The following PTER variants were observed in gnomAD, a reference collection of about 807,000 sequenced individuals.
The protein encoded by PTER is N-acetyltaurine hydrolase.
PTER carries 38 observed loss-of-function variants against 29.6 expected under a neutral mutation model. The observed-to-expected ratio is 1.28, with a 90% CI of 0.99 to 1.68. The LOEUF is 1.68. Among genes scored for constraint, PTER ranks in the 40% most tolerant of loss-of-function variants. The pLI, the probability that PTER is intolerant of heterozygous loss-of-function variation, is 0.00. For missense variants in PTER, 482 were observed against 427.8 expected, an observed-to-expected ratio of 1.13 and a Z score of -1.12; for synonymous variants, 172 against 154.5, an observed-to-expected ratio of 1.11 and a Z score of -0.84.
Position 16,512,781 on chromosome 10 carries a change from T to G in PTER, c.*1525T>G, listed in dbSNP as rs1459305698. 2 of 152,548 alleles carry G rather than the reference T, an allele frequency of 1.3e-5. No homozygotes were observed. Among genetic ancestry groups the G allele is most frequent in the Non-Finnish European group, 2.9e-5 (2 of 67,986 alleles). The allele number at this position is 152,548 out of a possible 1,614,324, so 9.4% of individuals were successfully genotyped here. On this transcript the variant is annotated 3_prime_UTR_variant, in exon 5 of 5. Transcript: ENST00000535784. ...GCAAGCAAATTTTTAAAATCTCTGT[T>G]TTTGAAATCTACTCGTCAAAGAGTT...
rs1564414834 is a variant in PTER, at chr10:16,512,060, C to CCA, written c.*804_*805insCA. 1 of 142,328 alleles carries CCA rather than the reference C, an allele frequency of 7.0e-6. No homozygotes were observed. The highest frequency in any genetic ancestry group is 2.5e-5 in the African/African-American group (1 of 39,496). The allele number at this position is 142,328 out of a possible 1,614,324, so 8.8% of individuals were successfully genotyped here. A position where few individuals can be genotyped will look rare whatever the true frequency, so the allele number is the denominator to read the frequency against. ...TTTAATTAATTGGTAAGATATAATG[C>CCA]AAAAAAAAAAAGAGAAATGTTTGCC... On this transcript the variant is annotated 3_prime_UTR_variant, in exon 5 of 5. Transcript: ENST00000535784.
At chr10:16,491,471 C>T (rs941016952) in intron 3 of PTER, among the ~76,000 whole-genome samples, 5 of 152,064 alleles carry the variant, frequency 3.3e-5, no homozygotes, top group Non-Finnish European at 7.3e-5. Context: ...CGATCTGAGC[C>T]GTACTGAAAG....
At chr10:16,470,707 G>T (rs190518421) in intron 1 of PTER, among the ~76,000 whole-genome samples, 157 of 152,244 alleles carry the variant, frequency 1.0e-3, no homozygotes, top group African/African-American at 3.7e-3. Flanking sequence ...GGTGGAGGTT[G>T]CAGTGAGCCA....
In PTER at chr10:16,513,737, C is replaced by T. The variant is rs1836899487; in HGVS notation, c.*2481C>T. Reference sequence around the variant, plus strand: ...CTAAAGAATAAATTTCTCTGACTTTCCCAGTGAATCTAAATGTATTCAGTT... The same window carrying T: ...CTAAAGAATAAATTTCTCTGACTTTTCCAGTGAATCTAAATGTATTCAGTT... On this transcript the variant is annotated 3_prime_UTR_variant, in exon 5 of 5. Transcript: ENST00000535784. 6.6e-6 allele frequency: 1 copy of T among 152,490 alleles called. No individual in the cohort carries two copies. Among genetic ancestry groups the T allele is most frequent in the Admixed American group, 6.6e-5 (1 of 15,244 alleles). 9.4% of individuals were successfully genotyped at this position (152,490 alleles called of 1,614,324 possible). A position where few individuals can be genotyped will look rare whatever the true frequency, so the allele number is the denominator to read the frequency against.
chr10:16,499,469 G>A (rs960822136), intron 3 of PTER, among the ~76,000 whole-genome samples: 4 of 150,650 alleles, frequency 2.7e-5, no homozygotes, highest in East Asian at 2.0e-4. Context: ...ACAGGGTCTC[G>A]CTTGCTCTGT....
At chr10:16,495,094 A>G (rs948310647) in intron 3 of PTER, among the ~76,000 whole-genome samples, 3 of 152,044 alleles carry the variant, frequency 2.0e-5, no homozygotes, top group Admixed American at 2.0e-4. Context: ...AGAATTCCAC[A>G]TAGCTGTACA....
intron 3 of PTER, among the ~76,000 whole-genome samples, chr10:16,503,065 C>CTTTTTTTTTTTTTTTTTTT (rs541383811): frequency 1.4e-5 from 1 of 69,418 alleles, no homozygotes; most frequent in Non-Finnish European, 2.4e-5. Flanking sequence ...CATGATAGTG[C>CTTTTTTTTTTTTTTTTTTT]TTTTTTTTTT....
chr10:16,477,267 GA>G (rs1835306470), intron 1 of PTER, among the ~76,000 whole-genome samples: 2 of 75,466 alleles, frequency 2.7e-5, no homozygotes, highest in Non-Finnish European at 6.8e-5. Flanking sequence ...TCGATAGATA[GA>G]TAGATAGATA....
At chr10:16,490,415 A>G (rs114707363) in intron 3 of PTER, among the ~76,000 whole-genome samples, 2,643 of 152,154 alleles carry the variant, frequency 0.017, 78 homozygotes, top group African/African-American at 0.06. Context: ...CCTTCCATAT[A>G]AAGGGAGTAG....
chr10:16,457,465 G>A (rs1379512627), intron 1 of PTER, among the ~76,000 whole-genome samples: 7 of 151,982 alleles, frequency 4.6e-5, no homozygotes, highest in East Asian at 1.9e-4. Context: ...CGCCCGTCTC[G>A]GCCTCCCAAA....
intron 1 of PTER, among the ~76,000 whole-genome samples, chr10:16,448,214 C>T (rs1388392148): frequency 6.6e-6 from 1 of 152,186 alleles, no homozygotes; most frequent in Non-Finnish European, 1.5e-5. Context: ...GGGAGCCTGC[C>T]AAGGGCTCCA....
intron 1 of PTER, among the ~76,000 whole-genome samples, chr10:16,474,369 C>T (rs985158158): frequency 1.3e-5 from 2 of 152,188 alleles, no homozygotes; most frequent in Non-Finnish European, 2.9e-5. Flanking sequence ...GATCTTCCCT[C>T]CCCACCAAAT....
intron 1 of PTER, among the ~76,000 whole-genome samples, chr10:16,440,306 G>A (rs1381019597): frequency 4.6e-5 from 7 of 151,712 alleles, no homozygotes; most frequent in Non-Finnish European, 8.8e-5. Context: ...GACCTCAGGT[G>A]ATCCACCTGC....
At chr10:16,451,939 A>G (rs1287318118) in intron 1 of PTER, among the ~76,000 whole-genome samples, 2 of 152,102 alleles carry the variant, frequency 1.3e-5, no homozygotes, top group Non-Finnish European at 1.5e-5. Context: ...AACTTGATTT[A>G]TGCTCGTATC....
At chr10:16,455,319 A>T (rs1472988924) in intron 1 of PTER, among the ~76,000 whole-genome samples, 1 of 152,172 alleles carries the variant, frequency 6.6e-6, no homozygotes. Context: ...CTGAGCAGAA[A>T]AGTACTGCCC....
chr10:16,492,995 A>G (rs1835955949), intron 3 of PTER, among the ~76,000 whole-genome samples: 1 of 152,234 alleles, frequency 6.6e-6, no homozygotes, highest in Non-Finnish European at 1.5e-5. Flanking sequence ...TCTTAATTAG[A>G]TGAAATAAGA....
chr10:16,493,278 T>G (rs961862587), intron 3 of PTER, among the ~76,000 whole-genome samples: 5 of 152,222 alleles, frequency 3.3e-5, no homozygotes, highest in African/African-American at 9.6e-5. Context: ...AGCAAATGTT[T>G]GACAAACTGA....
intron 3 of PTER, among the ~76,000 whole-genome samples, chr10:16,504,086 T>C (rs1469826346): frequency 3.3e-5 from 5 of 152,176 alleles, no homozygotes; most frequent in Non-Finnish European, 1.5e-5. Context: ...ATGGGGTATA[T>C]TTTTCCTTCA....
chr10:16,507,652 T>C (rs945982239), intron 4 of PTER, among the ~76,000 whole-genome samples: 1 of 152,220 alleles, frequency 6.6e-6, no homozygotes, highest in African/African-American at 2.4e-5. Context: ...AATAGTACTA[T>C]GCTTCAAGTT....
Sources: gnomAD v4.1 joint callset for allele counts (sites outside exome capture counted in the v4.1 genomes callset) on GRCh38, gnomAD v4.1.1 for gene constraint, MANE v1.5 for transcripts, NCBI Gene and HGNC (gene_info 2026-07-23, HGNC 2026-07-21) for gene names.